RANBP1: variants seen among roughly 807,000 people sequenced by gnomAD.
The protein encoded by RANBP1 is ran-specific GTPase-activating protein.
RANBP1 carries 16 observed loss-of-function variants against 31.4 expected under a neutral mutation model. The observed-to-expected ratio is 0.51, with a 90% CI of 0.34 to 0.77. The LOEUF (loss-of-function observed/expected upper bound fraction) is 0.77, where lower values mean the gene tolerates loss of function less well. Ranked by LOEUF, RANBP1 falls within the 30% of genes least tolerant of loss-of-function variation. RANBP1 has a pLI of 0.01. For synonymous variants in RANBP1, 129 were observed against 140.5 expected (o/e 0.92, Z 0.58); for missense variants, 265 against 362.0 (o/e 0.73, Z 2.17).
intron 1 of RANBP1, chr22:20,118,079 G>A: frequency 1.0e-6 from 1 of 998,614 alleles, no homozygotes; most frequent in Non-Finnish European, 1.2e-6. Flanking sequence ...TCTTACGTCT[G>A]GAACCGCCAC....
chr22:20,120,921 ATGT>A (rs1240122858), intron 2 of RANBP1, among the ~76,000 whole-genome samples: 2 of 152,326 alleles, frequency 1.3e-5, no homozygotes, highest in Non-Finnish European at 2.9e-5. Flanking sequence ...CACCTGATCC[ATGT>A]TGTCCCTGCA....
At chr22:20,120,697 C>T (rs12628348) in intron 2 of RANBP1, among the ~76,000 whole-genome samples, 1 of 152,190 alleles carries the variant, frequency 6.6e-6, no homozygotes, top group South Asian at 2.1e-4. Context: ...TGGCCAGGGC[C>T]TGTTGCCTGA....
intron 1 of RANBP1, chr22:20,117,808 C>A: frequency 2.0e-6 from 2 of 1,021,994 alleles, no homozygotes; most frequent in Non-Finnish European, 2.3e-6. Flanking sequence ...GGCGCGGAGT[C>A]GGGGCGCGTG....
chr22:20,125,443 C>A lies in RANBP1; in HGVS notation c.670+7C>A, dbSNP rs2050273922. 2.5e-6 allele frequency: 4 copies of A among 1,599,378 alleles called. No homozygotes were observed. Among genetic ancestry groups the A allele is most frequent in the Non-Finnish European group, 3.4e-6 (4 of 1,173,106 alleles). The stretch of plus-strand genomic sequence containing the variant: ...CGCTTCCTGAATGCTGAGAGTGAGC[C>A]AAGGGCCCTGGGGACCTGCCTGACT... On this transcript the variant is annotated splice_region_variant and intron_variant, in intron 4 of 5. Coordinates refer to ENST00000430524, the MANE Select transcript of RANBP1 (RefSeq NM_001278639.2).
chr22:20,126,588 T>A, intron 5 of RANBP1: 3 of 1,539,286 alleles, frequency 1.9e-6, no homozygotes, highest in Non-Finnish European at 2.6e-6. Flanking sequence ...TGGGCAGGCA[T>A]TGGAGTCCGG....
Position 20,116,298 on chromosome 22 carries a change from A to G in RANBP1, c.114A>G (p.Thr38=), listed in dbSNP as rs773594241. The change falls in exon 1 of 6, where the codon ACA becomes ACG. Residue 38 remains threonine (T), a synonymous_variant. Coordinates refer to ENST00000430524, the MANE Select transcript of RANBP1 (RefSeq NM_001278639.2). The part of the protein sequence containing the change: ...LSLSAALRNV[T]KAQGGCPKSL... ...TCTCTGCAGCGCTGCGGAATGTCAC[A>G]AAGGCGCAGGGTGGTTGCCCAAAGA... 8.6e-5 allele frequency: 139 copies of G among 1,612,852 alleles called. No homozygotes were observed. In the South Asian group the frequency reaches 1.5e-3, roughly 17 times the overall value.
chr22:20,126,451 T>A (rs766073994), intron 5 of RANBP1, 83 bp downstream of exon 5: 3 of 1,609,308 alleles, frequency 1.9e-6, no homozygotes, highest in Non-Finnish European at 2.5e-6. Flanking sequence ...GCTTTTTCTG[T>A]CTGCCAGATA....
chr22:20,117,204 C>A, intron 1 of RANBP1: 1 of 536,280 alleles, frequency 1.9e-6, no homozygotes, highest in South Asian at 3.1e-5. Flanking sequence ...CCAGCGCGTG[C>A]GGCGGAGGCC....
chr22:20,119,172 A>AAT, intron 2 of RANBP1, 23 bp downstream of exon 2: 1 of 1,606,014 alleles, frequency 6.2e-7, no homozygotes, highest in Non-Finnish European at 8.5e-7. Context: ...ATGTCCCAGA[A>AAT]ATAGGACTCT....
At chr22:20,126,510 T>A in intron 5 of RANBP1, 142 bp downstream of exon 5, 5 of 1,590,568 alleles carry the variant, frequency 3.1e-6, no homozygotes, top group Non-Finnish European at 4.3e-6. Context: ...GTGATGCAGC[T>A]CCCTGGGGAC....
rs2050193449 is a variant in RANBP1 at position 20,122,475 on chromosome 22, T to C, written c.541+54T>C. Reference sequence around the variant, plus strand: ...GTCCCCAGCAGCTTGGCCTGGGACCTTTGGGAAGATTCAGGGCTGATTGGG... The same window carrying C: ...GTCCCCAGCAGCTTGGCCTGGGACCCTTGGGAAGATTCAGGGCTGATTGGG... On this transcript the variant is annotated intron_variant, in intron 3 of 5. Transcript: ENST00000430524. 2.5e-6 allele frequency: 4 copies of C among 1,610,336 alleles called. No individual in the cohort carries two copies. The Admixed American group carries it at 6.7e-5, about 27-fold the overall frequency.
chr22:20,117,145 C>G (rs2050052307), intron 1 of RANBP1: 7 of 563,674 alleles, frequency 1.2e-5, no homozygotes, highest in Middle Eastern at 4.6e-4. Flanking sequence ...ACCGCCCGCC[C>G]GCCAGGGGCC....
At chr22:20,121,338 C>T (rs919320336) in intron 2 of RANBP1, among the ~76,000 whole-genome samples, 14 of 152,158 alleles carry the variant, frequency 9.2e-5, no homozygotes, top group Non-Finnish European at 1.3e-4. Flanking sequence ...CAACCTCTGC[C>T]TCCCGGCTTC....
At chr22:20,116,827 A>ACCCC in intron 1 of RANBP1, 1 of 1,018,018 alleles carries the variant, frequency 9.8e-7, no homozygotes, top group Non-Finnish European at 1.3e-6. Context: ...TTCCTGACCC[A>ACCCC]CCCCGCCTCC....
chr22:20,125,264 C>G (rs1479032479), intron 3 of RANBP1, 44 bp from the exon 4 acceptor site: 6 of 1,609,594 alleles, frequency 3.7e-6, no homozygotes, highest in Non-Finnish European at 5.1e-6. Flanking sequence ...GTGGGCTGGC[C>G]TTTGCAGTCA....
In RANBP1 at chr22:20,126,654, A is replaced by C. The variant is rs781735161; in HGVS notation, c.736+286A>C. 63 of 1,512,938 alleles carry C rather than the reference A, an allele frequency of 4.2e-5. 1 individual carries two copies. In the South Asian group the frequency reaches 7.1e-4, roughly 17 times the overall value. The allele number at this position is 1,512,938 out of a possible 1,614,324, so 93.7% of individuals were successfully genotyped here. A position where few individuals can be genotyped will look rare whatever the true frequency, so the allele number is the denominator to read the frequency against. ...TATGATGGTCCTCGGTTTGTCTCTCAGAGGGCTTGGTCACCTCTGCCATGA... is the reference window on the plus strand; with the variant it reads ...TATGATGGTCCTCGGTTTGTCTCTCCGAGGGCTTGGTCACCTCTGCCATGA... On this transcript the variant is annotated intron_variant, in intron 5 of 5. Coordinates refer to ENST00000430524, the MANE Select transcript of RANBP1 (RefSeq NM_001278639.2).
At chr22:20,119,231 T>A in intron 2 of RANBP1, 82 bp downstream of exon 2, 1 of 1,377,020 alleles carries the variant, frequency 7.3e-7, no homozygotes, top group Non-Finnish European at 1.0e-6. Context: ...TTGGCCTGAC[T>A]TTTAATCAGA....
intron 5 of RANBP1, chr22:20,126,597 G>C: frequency 2.0e-6 from 3 of 1,534,846 alleles, no homozygotes; most frequent in Non-Finnish European, 2.6e-6. Flanking sequence ...ATTGGAGTCC[G>C]GGCACTGCCT....
chr22:20,126,245 G>A (rs1379668301), intron 4 of RANBP1, 58 bp from the exon 5 acceptor site: 4 of 1,571,822 alleles, frequency 2.5e-6, no homozygotes, highest in Admixed American at 3.5e-5. Flanking sequence ...AGACCCGGCA[G>A]GGCATGTCTC....
Sources: gnomAD v4.1 joint callset for allele counts (sites outside exome capture counted in the v4.1 genomes callset) on GRCh38, gnomAD v4.1.1 for gene constraint, MANE v1.5 for transcripts, NCBI Gene and HGNC (gene_info 2026-07-23, HGNC 2026-07-21) for gene names.